Variants in DMD observed in about 807,000 individuals in gnomAD.
DMD encodes mutant dystrophin.
DMD carries 63 observed loss-of-function variants against 330.1 expected under a neutral mutation model. That is an observed-to-expected ratio of 0.19 (90% CI 0.16 to 0.24). The LOEUF (loss-of-function observed/expected upper bound fraction) is 0.24. DMD is among the 10% of genes least tolerant of loss of function. The pLI is 1.00. For synonymous variants in DMD, 1,223 were observed against 959.8 expected (o/e 1.27, Z -5.07); for missense variants, 3,344 against 2,684.1 (o/e 1.25, Z -5.43).
At chrX:32,711,253 AATGTC>A (rs1272045463) in intron 7 of DMD, among the ~76,000 whole-genome samples, 9 of 111,480 alleles carry the variant, frequency 8.1e-5, no homozygotes, top group Non-Finnish European at 1.5e-4. Flanking sequence ...TTGACTCTGA[AATGTC>A]GGCCTCTCTC....
intron 44 of DMD, among the ~76,000 whole-genome samples, chrX:32,032,316 T>C (rs1341826239): frequency 9.0e-6 from 1 of 111,604 alleles, no homozygotes; most frequent in African/African-American, 3.2e-5. Flanking sequence ...CAATCTGGAA[T>C]GTATATGCTA....
intron 20 of DMD, among the ~76,000 whole-genome samples, chrX:32,485,350 C>A (rs1436448689): frequency 9.0e-6 from 1 of 110,731 alleles, no homozygotes; most frequent in South Asian, 3.8e-4. Context: ...TAATTTAGAG[C>A]ATTAATGGGT....
chrX:31,731,057 T>C (rs1296064794), intron 51 of DMD, among the ~76,000 whole-genome samples: 2 of 111,869 alleles, frequency 1.8e-5, no homozygotes, highest in Non-Finnish European at 3.8e-5. Context: ...TTGGTAATAG[T>C]AAAATAATGC....
At chrX:31,570,867 T>C (rs905611382) in intron 55 of DMD, among the ~76,000 whole-genome samples, 18 of 111,752 alleles carry the variant, frequency 1.6e-4, no homozygotes, top group African/African-American at 5.5e-4. Flanking sequence ...ACAGGGAATA[T>C]CGAGTTACTT....
At chrX:33,198,327 T>C (rs2051076079) in intron 1 of DMD, among the ~76,000 whole-genome samples, 2 of 111,027 alleles carry the variant, frequency 1.8e-5, no homozygotes, top group South Asian at 7.4e-4. Context: ...TTCTAGATAC[T>C]AGTTCTTTGA....
chrX:31,431,346 AT>A (rs1487069292), intron 60 of DMD, among the ~76,000 whole-genome samples: 5 of 111,400 alleles, frequency 4.5e-5, no homozygotes, highest in Admixed American at 3.8e-4. Flanking sequence ...ATGCTCTCAT[AT>A]TTTTTTCCTG....
chrX:32,266,421 A>C lies in DMD; in HGVS notation c.6290+21108T>G, dbSNP rs1489269882. Among the ~76,000 whole-genome samples the C allele has an allele frequency of 2.7e-5, 3 of 111,911 alleles. No homozygotes were observed. In the East Asian group the frequency reaches 8.4e-4, roughly 31 times the overall value. ...ACAGACTAATACAGACTGTATGATC[A>C]ATATATTTTACTTTCTGAGTTTACT... On this transcript the variant is annotated intron_variant, in intron 43 of 78. Coordinates refer to ENST00000357033, the MANE Select transcript of DMD (RefSeq NM_004006.3).
intron 55 of DMD, among the ~76,000 whole-genome samples, chrX:31,541,927 T>G (rs2073853686): frequency 8.9e-6 from 1 of 112,081 alleles, no homozygotes; most frequent in Non-Finnish European, 1.9e-5. Flanking sequence ...TAATACTTTT[T>G]ATTGATTACA....
chrX:31,648,702 A>T (rs1397208496), intron 54 of DMD, among the ~76,000 whole-genome samples: 1 of 105,076 alleles, frequency 9.5e-6, no homozygotes, highest in East Asian at 3.0e-4. Flanking sequence ...ATTAAATGAC[A>T]TCCCTTTTTA....
chrX:31,841,158 A>G (rs762490120), intron 48 of DMD, among the ~76,000 whole-genome samples: 1 of 111,928 alleles, frequency 8.9e-6, no homozygotes, highest in East Asian at 2.8e-4. Flanking sequence ...GAACAGCCTT[A>G]TTGTTAATAT....
intron 16 of DMD, among the ~76,000 whole-genome samples, chrX:32,554,838 G>A (rs1273652806): frequency 1.0e-4 from 1 of 9,962 alleles, no homozygotes; most frequent in East Asian, 0.01. Flanking sequence ...GAGGGAGAGA[G>A]AGAGAGAGAG....
chrX:32,668,966 G>A (rs1468775646), intron 9 of DMD, among the ~76,000 whole-genome samples: 1 of 110,913 alleles, frequency 9.0e-6, no homozygotes, highest in Non-Finnish European at 1.9e-5. Context: ...ACATTTATAG[G>A]TTGATACCAC....
intron 1 of DMD, among the ~76,000 whole-genome samples, chrX:33,219,230 G>T (rs148045370): frequency 1.6e-3 from 169 of 108,803 alleles, no homozygotes; most frequent in African/African-American, 5.3e-3. Context: ...AGAGGTAGAA[G>T]TGTGCTGCCT....
At chrX:31,656,807 T>C (rs2080812952) in intron 54 of DMD, among the ~76,000 whole-genome samples, 2 of 111,747 alleles carry the variant, frequency 1.8e-5, no homozygotes, top group Non-Finnish European at 3.8e-5. Flanking sequence ...GTCTTTTTCA[T>C]AGGGCTCCAA....
At chrX:32,607,230 T>G (rs778863276) in intron 12 of DMD, among the ~76,000 whole-genome samples, 1 of 110,297 alleles carries the variant, frequency 9.1e-6, no homozygotes, top group Non-Finnish European at 1.9e-5. Flanking sequence ...TGGTAGGTGG[T>G]GAGGAAATGC....
chrX:32,364,626 C>T lies in DMD; in HGVS notation c.5110G>A (p.Glu1704Lys), dbSNP rs765445866. The change falls in exon 36 of 79, where the codon GAA (glutamate) becomes AAA (lysine). Residue 1704 changes from glutamate (E) to lysine (K), a missense_variant. Transcript: ENST00000357033. ...WIIQADTLLD[E>K]SEKKKPQQKE... ...TGCTGGGGTTTCTTTTTCTCTGATT[C>T]ATCCAAAAGTGTGTCAGCCTGAATG... is the stretch of plus-strand genomic sequence containing the variant. 7 of 1,210,624 alleles carry T rather than the reference C, an allele frequency of 5.8e-6. No homozygotes were observed. Among genetic ancestry groups the T allele is most frequent in the South Asian group, 1.8e-5 (1 of 56,985 alleles).
chrX:31,551,348 G>A lies in DMD; in HGVS notation c.8218-43895C>T, dbSNP rs190467619. On this transcript the variant is annotated intron_variant, in intron 55 of 78. Transcript: ENST00000357033. ...ACCCATCTACTCTCCCTTATTGGTT[G>A]AGTCTTGCTCCTGTTAATACCCTGT... is the stretch of plus-strand genomic sequence containing the variant. Among the ~76,000 whole-genome samples, 3 of 110,896 alleles carry A rather than the reference G, an allele frequency of 2.7e-5. No individual in the cohort carries two copies. The East Asian group carries it at 8.5e-4, about 32-fold the overall frequency.
intron 44 of DMD, among the ~76,000 whole-genome samples, chrX:32,066,678 A>G (rs1207513538): frequency 9.0e-6 from 1 of 111,459 alleles, no homozygotes; most frequent in Non-Finnish European, 1.9e-5. Context: ...AGGTATCATT[A>G]AGTCCCCTAT....
chrX:31,825,474 G>C, intron 49 of DMD, among the ~76,000 whole-genome samples: 1 of 111,571 alleles, frequency 9.0e-6, no homozygotes, highest in Non-Finnish European at 1.9e-5. Context: ...CTCAGAATGA[G>C]GATAAAGAGA....
Sources: gnomAD v4.1 joint callset for allele counts (sites outside exome capture counted in the v4.1 genomes callset) on GRCh38, gnomAD v4.1.1 for gene constraint, MANE v1.5 for transcripts, NCBI Gene and HGNC (gene_info 2026-07-23, HGNC 2026-07-21) for gene names.